The following SLC24A2 variants were observed in gnomAD, a reference collection of about 807,000 sequenced individuals.
The protein encoded by SLC24A2 is sodium/potassium/calcium exchanger 2.
A neutral mutation model predicts 62.0 loss-of-function variants in SLC24A2; 36 were observed. The ratio of observed to expected loss-of-function variants is 0.58; its 90% CI spans 0.44 to 0.77. SLC24A2 has a LOEUF of 0.77. Ranked by LOEUF, SLC24A2 falls within the 30% of genes least tolerant of loss-of-function variation. The pLI, the probability that SLC24A2 is intolerant of heterozygous loss-of-function variation, is 0.00. For synonymous variants in SLC24A2, 358 were observed against 294.0 expected (o/e 1.22, Z -2.23); for missense variants, 846 against 817.9 (o/e 1.03, Z -0.42).
At chr9:20,221,604 C>G in the SLC24A2 span, among the ~76,000 whole-genome samples, 37 of 151,824 alleles carry the variant, frequency 2.4e-4, no homozygotes. Flanking sequence ...TGTAAGTTCT[C>G]AGATCGGAAG....
chr9:20,154,088 T>C, the SLC24A2 span, among the ~76,000 whole-genome samples: 1 of 152,044 alleles, frequency 6.6e-6, no homozygotes, highest in African/African-American at 2.4e-5. Flanking sequence ...ATGGTTACTC[T>C]ATACTGTTAC....
the SLC24A2 span, among the ~76,000 whole-genome samples, chr9:20,284,299 A>T: frequency 2.0e-5 from 3 of 151,130 alleles, no homozygotes; most frequent in South Asian, 6.3e-4. Flanking sequence ...TTTTAAAGAG[A>T]TGGGGTTTCA....
At chr9:20,122,683 C>A in the SLC24A2 span, among the ~76,000 whole-genome samples, 1 of 152,082 alleles carries the variant, frequency 6.6e-6, no homozygotes, top group African/African-American at 2.4e-5. Context: ...TAGACTCTGT[C>A]TCGAAAAAAC....
At chr9:20,160,789 A>G in the SLC24A2 span, among the ~76,000 whole-genome samples, 2 of 151,162 alleles carry the variant, frequency 1.3e-5, no homozygotes, top group Non-Finnish European at 3.0e-5. Flanking sequence ...AACCTTAAAC[A>G]TCTTGAATAA....
intron 2 of SLC24A2, among the ~76,000 whole-genome samples, chr9:19,634,461 T>C (rs1385811754): frequency 6.6e-6 from 1 of 152,086 alleles, no homozygotes; most frequent in Non-Finnish European, 1.5e-5. Context: ...GCTAATTTTG[T>C]ATTTTTAGTA....
chr9:19,655,471 T>C (rs550899379), intron 2 of SLC24A2, among the ~76,000 whole-genome samples: 4 of 152,342 alleles, frequency 2.6e-5, no homozygotes, highest in East Asian at 1.9e-4. Context: ...GGTTAAATTA[T>C]GCCTAATGGT....
chr9:20,199,759 C>T, the SLC24A2 span, among the ~76,000 whole-genome samples: 1 of 150,254 alleles, frequency 6.7e-6, no homozygotes, highest in African/African-American at 2.5e-5. Context: ...TGCTCTGTTG[C>T]CCAAGCTGGA....
the SLC24A2 span, among the ~76,000 whole-genome samples, chr9:19,871,688 T>C: frequency 6.6e-6 from 1 of 152,222 alleles, no homozygotes; most frequent in Non-Finnish European, 1.5e-5. Context: ...GTGTAGAAGA[T>C]GTTTTACTTT....
the SLC24A2 span, among the ~76,000 whole-genome samples, chr9:20,216,794 G>A: frequency 6.6e-6 from 1 of 152,086 alleles, no homozygotes; most frequent in South Asian, 2.1e-4. Context: ...ATATTTCTGG[G>A]AAAAGTATAC....
the SLC24A2 span, among the ~76,000 whole-genome samples, chr9:20,169,858 T>C: frequency 0.035 from 5,359 of 151,944 alleles, 337 homozygotes; most frequent in African/African-American, 0.12. Context: ...GAAAAAAGAA[T>C]TCAGAAGGTC....
At chr9:20,118,317 T>C in the SLC24A2 span, among the ~76,000 whole-genome samples, 3 of 152,140 alleles carry the variant, frequency 2.0e-5, no homozygotes, top group East Asian at 1.9e-4. Flanking sequence ...AGTCATTGCA[T>C]AGAAGTTGAA....
At chr9:19,777,313 A>G (rs1250338369) in intron 2 of SLC24A2, among the ~76,000 whole-genome samples, 7 of 152,234 alleles carry the variant, frequency 4.6e-5, no homozygotes, top group African/African-American at 1.7e-4. Flanking sequence ...TTAAAATGCT[A>G]CGTTTCATCT....
At chr9:19,747,684 T>A (rs1821874249) in intron 2 of SLC24A2, among the ~76,000 whole-genome samples, 1 of 152,220 alleles carries the variant, frequency 6.6e-6, no homozygotes. Flanking sequence ...AACTCATATA[T>A]TTCTACCTGC....
the SLC24A2 span, among the ~76,000 whole-genome samples, chr9:20,114,333 C>T: frequency 6.6e-6 from 1 of 152,084 alleles, no homozygotes; most frequent in African/African-American, 2.4e-5. Context: ...CTTATGACAC[C>T]TAAGGTATCA....
chr9:20,286,925 GTTATGA>G, the SLC24A2 span, among the ~76,000 whole-genome samples: 4 of 152,152 alleles, frequency 2.6e-5, no homozygotes, highest in Non-Finnish European at 4.4e-5. Context: ...GCACTAGAAT[GTTATGA>G]TTATAAGGAT....
chr9:20,075,011 T>C, the SLC24A2 span, among the ~76,000 whole-genome samples: 68,592 of 151,904 alleles, frequency 0.45, 16,470 homozygotes, highest in African/African-American at 0.62. Flanking sequence ...ATAATGGAAA[T>C]GTATAAGCTC....
chr9:19,993,982 A>G, the SLC24A2 span, among the ~76,000 whole-genome samples: 1 of 152,298 alleles, frequency 6.6e-6, no homozygotes, highest in East Asian at 1.9e-4. Context: ...GTTTGTAATT[A>G]ATCTTCACAG....
the SLC24A2 span, among the ~76,000 whole-genome samples, chr9:20,254,350 G>A: frequency 6.6e-6 from 1 of 152,182 alleles, no homozygotes; most frequent in African/African-American, 2.4e-5. Flanking sequence ...ATGAGCATTT[G>A]TTTAGCACCC....
chr9:20,065,151 G>T, the SLC24A2 span, among the ~76,000 whole-genome samples: 1 of 152,174 alleles, frequency 6.6e-6, no homozygotes, highest in African/African-American at 2.4e-5. Context: ...TCATAGCTCT[G>T]GGGAAAACCA....
Sources: allele counts gnomAD v4.1 joint callset (sites outside exome capture counted in the v4.1 genomes callset), GRCh38; gene constraint gnomAD v4.1.1; transcripts MANE v1.5; gene names NCBI Gene and HGNC (gene_info 2026-07-23, HGNC 2026-07-21).